The following SOX5 variants were observed in gnomAD, a reference collection of about 807,000 sequenced individuals.
SOX5 encodes the protein SRY-box transcription factor 5.
SOX5 carries 9 observed loss-of-function variants against 92.0 expected under a neutral mutation model. The observed-to-expected ratio is 0.10, with a 90% confidence interval of 0.06 to 0.17. SOX5 has a LOEUF of 0.17. SOX5 is among the 10% of genes least tolerant of loss of function. The pLI, the probability that SOX5 is intolerant of heterozygous loss-of-function variation, is 1.00. For missense variants in SOX5, 642 were observed against 944.5 expected, an observed-to-expected ratio of 0.68 and a Z score of 4.20; for synonymous variants, 344 against 336.3, an observed-to-expected ratio of 1.02 and a Z score of -0.25.
chr12:24,360,013 A>G (rs1955355092), intron 2 of SOX5, among the ~76,000 whole-genome samples: 1 of 152,216 alleles, frequency 6.6e-6, no homozygotes, highest in Non-Finnish European at 1.5e-5. Flanking sequence ...AAGAAAAAGG[A>G]TGGCAGGGAC....
intron 1 of SOX5, among the ~76,000 whole-genome samples, chr12:24,447,604 G>T (rs955916922): frequency 2.0e-5 from 3 of 152,152 alleles, no homozygotes; most frequent in Admixed American, 2.0e-4. Context: ...TGCATTTGTT[G>T]TGCCAAACAA....
At chr12:24,082,231 T>C (rs1943426996) in intron 4 of SOX5, among the ~76,000 whole-genome samples, 1 of 151,596 alleles carries the variant, frequency 6.6e-6, no homozygotes, top group Admixed American at 6.6e-5. Context: ...TTATACCTTG[T>C]CTTATTGTTT....
At chr12:23,916,729 A>G (rs900855324) in intron 1 of SOX5, among the ~76,000 whole-genome samples, 1 of 152,238 alleles carries the variant, frequency 6.6e-6, no homozygotes. Context: ...CGGTTCTTAG[A>G]AACCCACAGG....
chr12:23,847,106 T>C (rs2096583894), intron 2 of SOX5, among the ~76,000 whole-genome samples: 1 of 152,098 alleles, frequency 6.6e-6, no homozygotes. Context: ...TTAGAAATTA[T>C]CAGGAGGAGT....
At chr12:24,123,325 A>G (rs1225621290) in intron 4 of SOX5, among the ~76,000 whole-genome samples, 1 of 152,268 alleles carries the variant, frequency 6.6e-6, no homozygotes, top group Non-Finnish European at 1.5e-5. Flanking sequence ...ATGTGCCATT[A>G]TATCTCAGAG....
chr12:24,414,796 C>A (rs774885824), intron 1 of SOX5, among the ~76,000 whole-genome samples: 1 of 152,216 alleles, frequency 6.6e-6, no homozygotes, highest in East Asian at 1.9e-4. Context: ...AGGAAGCTTG[C>A]AGAATTTGTA....
chr12:23,750,387 A>T (rs1181094140), intron 4 of SOX5, among the ~76,000 whole-genome samples: 2 of 151,956 alleles, frequency 1.3e-5, no homozygotes, highest in African/African-American at 4.8e-5. Flanking sequence ...TGAGGAAATA[A>T]ACCAAAAGTG....
intron 3 of SOX5, among the ~76,000 whole-genome samples, chr12:23,828,326 ATG>A (rs1163924291): frequency 2.6e-5 from 4 of 152,276 alleles, no homozygotes; most frequent in South Asian, 2.1e-4. Context: ...CTGTGTGTGT[ATG>A]TGTGTGCACA....
chr12:23,538,348 A>G (rs1254334108), intron 13 of SOX5, among the ~76,000 whole-genome samples: 3 of 152,214 alleles, frequency 2.0e-5, no homozygotes, highest in Non-Finnish European at 4.4e-5. Flanking sequence ...TAGAAAGCCA[A>G]TGTGAATTTA....
In SOX5 at chr12:23,606,486, T is replaced by G. The variant is rs573891613; in HGVS notation, c.1018-1953A>C. Among the ~76,000 whole-genome samples, 3 of 151,792 alleles carry G rather than the reference T, an allele frequency of 2.0e-5. No homozygotes were observed. The South Asian group carries it at 6.2e-4, about 32-fold the overall frequency. Reference sequence around the variant, plus strand: ...CATACAATATCTGTGATAAAGAAAATGTGAACAAAACAGTTATTCAAAATT... The same window carrying G: ...CATACAATATCTGTGATAAAGAAAAGGTGAACAAAACAGTTATTCAAAATT... On this transcript the variant is annotated intron_variant, in intron 8 of 14. Transcript: ENST00000451604.
At chr12:24,400,272 AT>A (rs1566073520) in intron 1 of SOX5, among the ~76,000 whole-genome samples, 1 of 152,200 alleles carries the variant, frequency 6.6e-6, no homozygotes, top group Non-Finnish European at 1.5e-5. Flanking sequence ...TAGTTTTTAA[AT>A]TTTTTCATAA....
At chr12:23,833,198 G>A (rs1218714228) in intron 3 of SOX5, among the ~76,000 whole-genome samples, 1 of 151,930 alleles carries the variant, frequency 6.6e-6, no homozygotes. Context: ...AGGGAAGCTT[G>A]GAAGACTAGA....
At chr12:24,113,549 C>CT (rs1425641076) in intron 4 of SOX5, among the ~76,000 whole-genome samples, 1 of 152,106 alleles carries the variant, frequency 6.6e-6, no homozygotes, top group Non-Finnish European at 1.5e-5. Flanking sequence ...CCCAAGGCTT[C>CT]TGGTTTAAGA....
At chr12:23,558,420 A>G (rs959723729) in intron 11 of SOX5, among the ~76,000 whole-genome samples, 1 of 152,114 alleles carries the variant, frequency 6.6e-6, no homozygotes, top group African/African-American at 2.4e-5. Context: ...AGAGAAAATG[A>G]CTTCTCCTTC....
intron 7 of SOX5, among the ~76,000 whole-genome samples, chr12:23,650,293 A>T (rs2081390737): frequency 6.6e-6 from 1 of 152,104 alleles, no homozygotes. Flanking sequence ...AAAGATGGCC[A>T]CTATCAATAC....
intron 4 of SOX5, among the ~76,000 whole-genome samples, chr12:24,018,991 T>A (rs1293455766): frequency 6.6e-6 from 1 of 152,132 alleles, no homozygotes; most frequent in Non-Finnish European, 1.5e-5. Context: ...ATCATGCATT[T>A]TTTTGAGGGT....
chr12:23,864,193 C>T (rs2096787331), intron 2 of SOX5, among the ~76,000 whole-genome samples: 1 of 151,936 alleles, frequency 6.6e-6, no homozygotes, highest in Admixed American at 6.6e-5. Flanking sequence ...CTAACCGCAC[C>T]CATATAAGAT....
intron 3 of SOX5, among the ~76,000 whole-genome samples, chr12:23,809,335 G>A (rs1183672461): frequency 6.6e-6 from 1 of 151,918 alleles, no homozygotes; most frequent in Non-Finnish European, 1.5e-5. Context: ...AGTACCTTGT[G>A]CATATAATAT....
chr12:24,390,336 CCTTA>C (rs1289738348), intron 1 of SOX5, among the ~76,000 whole-genome samples: 1 of 152,134 alleles, frequency 6.6e-6, no homozygotes, highest in Non-Finnish European at 1.5e-5. Flanking sequence ...AGCAGCTATG[CCTTA>C]CTGTTGACTT....
Sources: gnomAD v4.1 joint callset for allele counts (sites outside exome capture counted in the v4.1 genomes callset) on GRCh38, gnomAD v4.1.1 for gene constraint, MANE v1.5 for transcripts, NCBI Gene and HGNC (gene_info 2026-07-23, HGNC 2026-07-21) for gene names.